The following KCNQ5 variants were observed in gnomAD, a reference collection of about 807,000 sequenced individuals.
KCNQ5 encodes the protein potassium voltage-gated channel subfamily Q member 5, also known as potassium voltage-gated channel subfamily KQT member 5.
In KCNQ5, 30 loss-of-function variants were observed where a neutral mutation model predicts 98.2. That is an observed-to-expected ratio of 0.31 (90% CI 0.23 to 0.41). The LOEUF (loss-of-function observed/expected upper bound fraction) is 0.41. Among genes scored for constraint, KCNQ5 ranks in the 10% least tolerant of loss-of-function variants. The probability of loss-of-function intolerance (pLI) is 1.00; values close to 1 mark genes in which losing one functional copy is unlikely to be tolerated. For synonymous variants in KCNQ5, 458 were observed against 449.4 expected (o/e 1.02, Z -0.24); for missense variants, 835 against 1,182.5 (o/e 0.71, Z 4.31).
At chr6:73,049,036 G>A (rs950838869) in intron 3 of KCNQ5, among the ~76,000 whole-genome samples, 6 of 152,108 alleles carry the variant, frequency 3.9e-5, no homozygotes, top group African/African-American at 1.4e-4. Flanking sequence ...TCACTATGGG[G>A]TAAATTTTCA....
chr6:73,092,903 T>C (rs1774314612), intron 5 of KCNQ5, among the ~76,000 whole-genome samples: 1 of 152,150 alleles, frequency 6.6e-6, no homozygotes, highest in Non-Finnish European at 1.5e-5. Context: ...CTGGTTTTGG[T>C]ATTAGGGTGA....
chr6:72,639,551 A>G (rs1254738382), intron 1 of KCNQ5, among the ~76,000 whole-genome samples: 1 of 152,180 alleles, frequency 6.6e-6, no homozygotes, highest in East Asian at 1.9e-4. Context: ...TGAAAGTATC[A>G]CTGTATAACT....
chr6:72,634,943 A>G (rs558506226), intron 1 of KCNQ5, among the ~76,000 whole-genome samples: 12 of 152,128 alleles, frequency 7.9e-5, no homozygotes, highest in East Asian at 1.9e-4. Flanking sequence ...TTAACTTTAT[A>G]TTTCCAAACA....
intron 1 of KCNQ5, among the ~76,000 whole-genome samples, chr6:72,739,648 C>A (rs995445645): frequency 6.6e-6 from 1 of 152,122 alleles, no homozygotes; most frequent in Admixed American, 6.5e-5. Flanking sequence ...AAATCACAGT[C>A]ACCTAAATAA....
At position 72,650,586 on chromosome 6, in the gene KCNQ5, G is replaced by A. The variant is rs146429999; in HGVS notation, c.398+27999G>A. On this transcript the variant is annotated intron_variant, in intron 1 of 13. Coordinates refer to ENST00000370398, the MANE Select transcript of KCNQ5 (RefSeq NM_019842.4). ...TCTGGGGAAAAATCCATTTAAAAGC[G>A]AAACTATTTTAAATGCATACCTTTT... is the stretch of plus-strand genomic sequence containing the variant. Among the ~76,000 whole-genome samples, 21 of 152,196 alleles carry A rather than the reference G, an allele frequency of 1.4e-4. 1 individual carries two copies. Among genetic ancestry groups the A allele is most frequent in the Middle Eastern group, 3.4e-3 (1 of 294 alleles).
chr6:73,131,416 G>A (rs942202420), intron 9 of KCNQ5, among the ~76,000 whole-genome samples: 1 of 152,020 alleles, frequency 6.6e-6, no homozygotes, highest in Non-Finnish European at 1.5e-5. Flanking sequence ...TCCAGAAAAG[G>A]TAATAGATAA....
chr6:72,642,207 C>T (rs145823984), intron 1 of KCNQ5, among the ~76,000 whole-genome samples: 20 of 150,964 alleles, frequency 1.3e-4, no homozygotes, highest in Non-Finnish European at 2.8e-4. Flanking sequence ...GAAAAACAAA[C>T]ATTTTGCGAG....
chr6:72,750,718 AATAG>A (rs899793874), intron 1 of KCNQ5, among the ~76,000 whole-genome samples: 1 of 152,052 alleles, frequency 6.6e-6, no homozygotes, highest in Admixed American at 6.6e-5. Flanking sequence ...TGAATAATTA[AATAG>A]ATATATAATA....
chr6:73,019,360 T>A (rs1007679051), intron 2 of KCNQ5, among the ~76,000 whole-genome samples: 1 of 152,184 alleles, frequency 6.6e-6, no homozygotes, highest in African/African-American at 2.4e-5. Flanking sequence ...AACTATGTTT[T>A]CCAGCAATGT....
At chr6:72,878,924 CGT>C (rs1581945564) in intron 1 of KCNQ5, among the ~76,000 whole-genome samples, 1 of 152,224 alleles carries the variant, frequency 6.6e-6, no homozygotes, top group East Asian at 1.9e-4. Flanking sequence ...TTGCTAAGAT[CGT>C]GTATCCCTCT....
chr6:72,961,621 CAAAA>C (rs56813781), intron 1 of KCNQ5, among the ~76,000 whole-genome samples: 2 of 68,676 alleles, frequency 2.9e-5, no homozygotes, highest in Non-Finnish European at 5.2e-5. Context: ...GACTCCGTCT[CAAAA>C]AAAAAAAAAA....
At chr6:72,627,705 A>G (rs1027967757) in intron 1 of KCNQ5, among the ~76,000 whole-genome samples, 4 of 152,178 alleles carry the variant, frequency 2.6e-5, no homozygotes, top group Non-Finnish European at 5.9e-5. Context: ...CCCTCAGGGC[A>G]TAGACTACTA....
intron 1 of KCNQ5, among the ~76,000 whole-genome samples, chr6:72,919,386 T>G (rs866441021): frequency 6.6e-6 from 1 of 152,202 alleles, no homozygotes; most frequent in Non-Finnish European, 1.5e-5. Flanking sequence ...ACAAAAACAA[T>G]AATAATAGCA....
At chr6:72,881,816 C>T (rs1422681062) in intron 1 of KCNQ5, among the ~76,000 whole-genome samples, 1 of 152,180 alleles carries the variant, frequency 6.6e-6, no homozygotes. Context: ...CTCAGCCTCC[C>T]AGGTAGCTGG....
chr6:72,727,977 G>A (rs1366229361), intron 1 of KCNQ5, among the ~76,000 whole-genome samples: 1 of 152,182 alleles, frequency 6.6e-6, no homozygotes, highest in Non-Finnish European at 1.5e-5. Flanking sequence ...GCAAAAGGCA[G>A]AGTAAATGCA....
intron 1 of KCNQ5, among the ~76,000 whole-genome samples, chr6:72,974,228 C>T (rs1399972648): frequency 2.0e-5 from 3 of 152,302 alleles, no homozygotes; most frequent in South Asian, 4.1e-4. Context: ...GCTGCTTTTG[C>T]ACTACAACTG....
rs1257375915 is a variant in KCNQ5 at position 73,055,828 on chromosome 6, G to T, written c.616+13766G>T. On this transcript the variant is annotated intron_variant, in intron 3 of 13. Transcript: ENST00000370398. Reference sequence around the variant, plus strand: ...GACCATGTGCAAAGCCATGGAAGTTGTGGCTGCCCAGGGCAAAGCCAAGAA... The same window carrying T: ...GACCATGTGCAAAGCCATGGAAGTTTTGGCTGCCCAGGGCAAAGCCAAGAA... 10 of 757,054 alleles carry T rather than the reference G, an allele frequency of 1.3e-5. No homozygotes were observed. The South Asian group carries it at 1.3e-4, about 10-fold the overall frequency. 46.9% of individuals were successfully genotyped at this position (757,054 alleles called of 1,614,324 possible). A position where few individuals can be genotyped will look rare whatever the true frequency, so the allele number is the denominator to read the frequency against.
chr6:72,837,928 GTTATTTTTTTTTTGGATTC>G (rs1776582493), intron 1 of KCNQ5, among the ~76,000 whole-genome samples: 1 of 151,758 alleles, frequency 6.6e-6, no homozygotes, highest in Non-Finnish European at 1.5e-5. Context: ...TGGACACCAA[GTTATTTTTTTTTTGGATTC>G]TTCATCCTTT....
At chr6:72,964,172 T>C (rs1290445480) in intron 1 of KCNQ5, among the ~76,000 whole-genome samples, 1 of 152,228 alleles carries the variant, frequency 6.6e-6, no homozygotes, top group African/African-American at 2.4e-5. Context: ...TTTGTATTTA[T>C]TCAATCAGTG....
Sources: gnomAD v4.1 joint callset for allele counts (sites outside exome capture counted in the v4.1 genomes callset) on GRCh38, gnomAD v4.1.1 for gene constraint, MANE v1.5 for transcripts, NCBI Gene and HGNC (gene_info 2026-07-23, HGNC 2026-07-21) for gene names.